The following MALRD1 variants were observed in gnomAD, a reference collection of about 807,000 sequenced individuals.
The protein encoded by MALRD1 is MAM and LDL-receptor class A domain-containing protein 1.
In MALRD1, 247 loss-of-function variants were observed where a neutral mutation model predicts 242.1. The ratio of observed to expected loss-of-function variants is 1.02; its 90% CI spans 0.92 to 1.13. The LOEUF (loss-of-function observed/expected upper bound fraction) is 1.13, where lower values mean the gene tolerates loss of function less well. Ranked by LOEUF, MALRD1 falls within the 50% of genes most tolerant of loss-of-function variation. The pLI is 0.00. For synonymous variants in MALRD1, 995 were observed against 866.6 expected (o/e 1.15, Z -2.60); for missense variants, 2,989 against 2,533.1 (o/e 1.18, Z -3.86).
At chr10:19,216,374 C>G (rs1837315461) in intron 18 of MALRD1, among the ~76,000 whole-genome samples, 1 of 151,816 alleles carries the variant, frequency 6.6e-6, no homozygotes, top group Non-Finnish European at 1.5e-5. Flanking sequence ...ACTCGGCCTC[C>G]CAAAGCGCTG....
intron 29 of MALRD1, among the ~76,000 whole-genome samples, chr10:19,460,986 G>T (rs968495555): frequency 6.6e-6 from 1 of 152,082 alleles, no homozygotes; most frequent in Non-Finnish European, 1.5e-5. Context: ...CAAAATCATG[G>T]ACCAATCAAA....
intron 19 of MALRD1, among the ~76,000 whole-genome samples, chr10:19,271,992 G>A (rs1208121821): frequency 6.6e-6 from 1 of 152,104 alleles, no homozygotes; most frequent in Non-Finnish European, 1.5e-5. Context: ...TTTTATTCAT[G>A]TGTAATAAAA....
At chr10:19,075,730 G>A (rs1160058815) in intron 2 of MALRD1, among the ~76,000 whole-genome samples, 2 of 152,060 alleles carry the variant, frequency 1.3e-5, no homozygotes, top group Middle Eastern at 3.4e-3. Context: ...CCTTTTATGC[G>A]TCTAAGCAAA....
chr10:19,622,647 GA>G (rs370996237), intron 36 of MALRD1, among the ~76,000 whole-genome samples: 224 of 126,212 alleles, frequency 1.8e-3, no homozygotes, highest in South Asian at 5.0e-3. Flanking sequence ...GTAAAACACT[GA>G]AAAAAAAAAA....
At chr10:19,647,338 C>G (rs1192765590) in intron 36 of MALRD1, among the ~76,000 whole-genome samples, 1 of 152,134 alleles carries the variant, frequency 6.6e-6, no homozygotes, top group African/African-American at 2.4e-5. Context: ...TCCTAGCACA[C>G]CACTATTAGA....
intron 38 of MALRD1, chr10:19,724,979 C>T (rs1834952072): frequency 6.6e-6 from 1 of 152,050 alleles, no homozygotes; most frequent in South Asian, 2.1e-4. Context: ...TTGACAATAG[C>T]ATCTAAAAGA....
intron 34 of MALRD1, among the ~76,000 whole-genome samples, chr10:19,597,955 A>T (rs1838180018): frequency 6.6e-6 from 1 of 152,156 alleles, no homozygotes; most frequent in Non-Finnish European, 1.5e-5. Flanking sequence ...AGTGAAGCAT[A>T]TTTTGTGTTG....
intron 21 of MALRD1, among the ~76,000 whole-genome samples, chr10:19,322,349 G>A (rs190498521): frequency 7.0e-4 from 106 of 152,062 alleles, no homozygotes; most frequent in African/African-American, 1.6e-3. Flanking sequence ...ATAATTCTGC[G>A]TCTTAAAAAT....
chr10:19,383,032 A>T (rs557301504), intron 26 of MALRD1, among the ~76,000 whole-genome samples: 1 of 152,202 alleles, frequency 6.6e-6, no homozygotes, highest in African/African-American at 2.4e-5. Flanking sequence ...CATTAAAAGG[A>T]TAATAAAAGA....
intron 29 of MALRD1, among the ~76,000 whole-genome samples, chr10:19,461,949 G>A (rs1336709939): frequency 6.6e-6 from 1 of 152,098 alleles, no homozygotes; most frequent in Non-Finnish European, 1.5e-5. Flanking sequence ...ATTGTTGCAG[G>A]CATCCTTTAG....
chr10:19,371,092 TAAA>T (rs759092754), intron 26 of MALRD1, among the ~76,000 whole-genome samples: 1 of 123,738 alleles, frequency 8.1e-6, no homozygotes, highest in African/African-American at 3.1e-5. Flanking sequence ...TCTACGAAAT[TAAA>T]AAAAAAAAAA....
intron 18 of MALRD1, among the ~76,000 whole-genome samples, chr10:19,247,887 G>T (rs1054740678): frequency 1.3e-5 from 2 of 152,060 alleles, no homozygotes; most frequent in Admixed American, 6.6e-5. Context: ...AAAGATTCAC[G>T]AATTGGGCAG....
intron 8 of MALRD1, among the ~76,000 whole-genome samples, chr10:19,133,231 A>G (rs1171991490): frequency 6.6e-6 from 1 of 152,222 alleles, no homozygotes; most frequent in African/African-American, 2.4e-5. Flanking sequence ...ACAATTTTAC[A>G]TAGATTTTGC....
At chr10:19,514,690 G>T (rs928903332) in intron 31 of MALRD1, among the ~76,000 whole-genome samples, 1 of 152,078 alleles carries the variant, frequency 6.6e-6, no homozygotes, top group Non-Finnish European at 1.5e-5. Flanking sequence ...TTAATAAACA[G>T]AACTCACTTT....
chr10:19,307,106 C>A (rs560600818), intron 21 of MALRD1, among the ~76,000 whole-genome samples: 43 of 151,568 alleles, frequency 2.8e-4, no homozygotes, highest in African/African-American at 9.4e-4. Context: ...ATGGGGTCTG[C>A]AGTTATGACA....
At chr10:19,671,786 AC>A (rs1841932418) in intron 36 of MALRD1, among the ~76,000 whole-genome samples, 1 of 152,146 alleles carries the variant, frequency 6.6e-6, no homozygotes, top group African/African-American at 2.4e-5. Flanking sequence ...TTTTAATTTA[AC>A]AGAAAATTCC....
intron 36 of MALRD1, among the ~76,000 whole-genome samples, chr10:19,635,499 A>G (rs560170970): frequency 3.7e-4 from 57 of 152,312 alleles, no homozygotes; most frequent in African/African-American, 1.3e-3. Flanking sequence ...AGTTAAATAC[A>G]GTAGAAGACA....
chr10:19,301,382 A>G (rs1564543051), intron 21 of MALRD1, among the ~76,000 whole-genome samples: 2 of 151,788 alleles, frequency 1.3e-5, no homozygotes, highest in African/African-American at 4.8e-5. Flanking sequence ...AGCAATATAA[A>G]TCATTCTACC....
chr10:19,674,233 T>C (rs1315383092), intron 36 of MALRD1, among the ~76,000 whole-genome samples: 1 of 152,138 alleles, frequency 6.6e-6, no homozygotes, highest in Non-Finnish European at 1.5e-5. Flanking sequence ...AGTGAGTAAG[T>C]TCAGAGGCCA....
Sources: gnomAD v4.1 joint callset for allele counts (sites outside exome capture counted in the v4.1 genomes callset) on GRCh38, gnomAD v4.1.1 for gene constraint, MANE v1.5 for transcripts, NCBI Gene and HGNC (gene_info 2026-07-23, HGNC 2026-07-21) for gene names.